Variants in TAS2R1 observed in about 807,000 individuals in gnomAD.
TAS2R1 encodes the protein taste receptor type 2 member 1.
For synonymous variants in TAS2R1, 141 were observed against 134.2 expected, an observed-to-expected ratio of 1.05 and a Z score of -0.35; for missense variants, 370 against 353.4, an observed-to-expected ratio of 1.05 and a Z score of -0.38.
At chr5:9,672,942 C>T (rs1249540930) in intron 1 of TAS2R1, among the ~76,000 whole-genome samples, 3 of 152,176 alleles carry the variant, frequency 2.0e-5, no homozygotes, top group East Asian at 3.9e-4. Flanking sequence ...AGTACATATA[C>T]ACCATGGAAT....
the TAS2R1 span, among the ~76,000 whole-genome samples, chr5:9,763,283 T>C: frequency 2.0e-5 from 3 of 152,054 alleles, no homozygotes; most frequent in Non-Finnish European, 1.5e-5. Flanking sequence ...GGCGGGTGGA[T>C]CACAAGGTCA....
the TAS2R1 span, among the ~76,000 whole-genome samples, chr5:9,768,627 C>T: frequency 3.9e-5 from 6 of 152,170 alleles, no homozygotes; most frequent in Admixed American, 3.9e-4. Context: ...CTTGAACAGT[C>T]ACTACTGCTT....
At chr5:9,825,162 T>A in the TAS2R1 span, among the ~76,000 whole-genome samples, 1 of 152,196 alleles carries the variant, frequency 6.6e-6, no homozygotes, top group Non-Finnish European at 1.5e-5. Context: ...CCTTTCTACT[T>A]ACTAGCTGGT....
the TAS2R1 span, among the ~76,000 whole-genome samples, chr5:9,790,095 T>C: frequency 1.3e-5 from 2 of 152,276 alleles, no homozygotes; most frequent in South Asian, 2.1e-4. Context: ...TCCTCTCACA[T>C]GCAATGCACA....
chr5:9,856,723 T>C, the TAS2R1 span, among the ~76,000 whole-genome samples: 1 of 151,982 alleles, frequency 6.6e-6, no homozygotes, highest in Non-Finnish European at 1.5e-5. Flanking sequence ...TGCACACAAA[T>C]AACCAAGCAC....
chr5:9,874,588 A>G, the TAS2R1 span, among the ~76,000 whole-genome samples: 1 of 152,222 alleles, frequency 6.6e-6, no homozygotes, highest in South Asian at 2.1e-4. Flanking sequence ...GTGGCAAGAC[A>G]TTGCTGCCAC....
At chr5:9,685,999 G>T (rs542581411) in intron 1 of TAS2R1, among the ~76,000 whole-genome samples, 1 of 152,250 alleles carries the variant, frequency 6.6e-6, no homozygotes, top group South Asian at 2.1e-4. Context: ...CCAAGTGGCT[G>T]GGACTACAGG....
chr5:9,872,700 C>T, the TAS2R1 span, among the ~76,000 whole-genome samples: 1 of 152,166 alleles, frequency 6.6e-6, no homozygotes, highest in Admixed American at 6.5e-5. Flanking sequence ...CCTTGGGCTA[C>T]TAACCAAAGA....
chr5:9,874,968 G>A, the TAS2R1 span, among the ~76,000 whole-genome samples: 172 of 152,228 alleles, frequency 1.1e-3, no homozygotes, highest in African/African-American at 3.9e-3. Context: ...CTTATAATAA[G>A]GGTCCTTCTG....
the TAS2R1 span, among the ~76,000 whole-genome samples, chr5:9,757,476 C>T: frequency 6.6e-6 from 1 of 152,268 alleles, no homozygotes; most frequent in Admixed American, 6.5e-5. Context: ...AATAGCACGG[C>T]TCATGAACAC....
chr5:9,820,266 C>T, the TAS2R1 span, among the ~76,000 whole-genome samples: 721 of 152,210 alleles, frequency 4.7e-3, 4 homozygotes, highest in African/African-American at 0.016. Context: ...CCATAGGGGG[C>T]TGAAATTTCT....
Position 9,709,412 on chromosome 5 carries a change from T to C in TAS2R1, c.-242+2760A>G, listed in dbSNP as rs183541085. ...GTCCCTGCCTCAAATCTACCCTCCA[T>C]ACCAATGCTACTCCAGTACTCAGTA... On this transcript the variant is annotated intron_variant, in intron 1 of 2. Transcript: ENST00000506620. Among the ~76,000 whole-genome samples, 15 of 152,234 alleles carry C rather than the reference T, an allele frequency of 9.9e-5. No individual in the cohort carries two copies. In the East Asian group the frequency reaches 2.1e-3, roughly 22 times the overall value.
the TAS2R1 span, among the ~76,000 whole-genome samples, chr5:9,718,282 T>G: frequency 2.0e-5 from 3 of 151,682 alleles, no homozygotes; most frequent in African/African-American, 4.8e-5. Context: ...ATAAGTAAAT[T>G]TTTAAATGAC....
chr5:9,777,967 G>A, the TAS2R1 span, among the ~76,000 whole-genome samples: 2 of 149,658 alleles, frequency 1.3e-5, no homozygotes, highest in African/African-American at 2.5e-5. Flanking sequence ...TGCAAGCTCC[G>A]CTTCCCGGGT....
rs1460638805 is a variant in TAS2R1, at chr5:9,640,510, A to C, written c.-80-10518T>G. On this transcript the variant is annotated intron_variant, in intron 2 of 2. Coordinates refer to the TAS2R1 transcript ENST00000506620. Reference sequence around the variant, plus strand: ...CCTTCAATTCCTTAAAAAAAAAAAAAAAAAAAAAAAAACAGTACCTGTAAA... The same window carrying C: ...CCTTCAATTCCTTAAAAAAAAAAAACAAAAAAAAAAAACAGTACCTGTAAA... 3.3e-5 allele frequency among the ~76,000 whole-genome samples: 5 copies of C among 150,662 alleles called. No homozygotes were observed. In the East Asian group the frequency reaches 7.8e-4, roughly 23 times the overall value.
chr5:9,802,589 C>A, the TAS2R1 span, among the ~76,000 whole-genome samples: 1 of 152,198 alleles, frequency 6.6e-6, no homozygotes, highest in African/African-American at 2.4e-5. Context: ...AGATCCAAAC[C>A]AAGACAAAAT....
the TAS2R1 span, among the ~76,000 whole-genome samples, chr5:9,825,131 C>T: frequency 3.4e-4 from 52 of 152,302 alleles, 2 homozygotes; most frequent in East Asian, 9.8e-3. Context: ...TATAAAATAG[C>T]AATGTCTAAT....
At chr5:9,822,498 T>A in the TAS2R1 span, among the ~76,000 whole-genome samples, 2 of 151,932 alleles carry the variant, frequency 1.3e-5, no homozygotes, top group Non-Finnish European at 2.9e-5. Context: ...TACAGGTGTG[T>A]GCCACCACGC....
the TAS2R1 span, among the ~76,000 whole-genome samples, chr5:9,794,846 G>C: frequency 6.6e-6 from 1 of 152,148 alleles, no homozygotes; most frequent in Non-Finnish European, 1.5e-5. Context: ...TGGAGATACA[G>C]CCTTTCTTGG....
Sources: gnomAD v4.1 joint callset for allele counts (sites outside exome capture counted in the v4.1 genomes callset) on GRCh38, gnomAD v4.1.1 for gene constraint, MANE v1.5 for transcripts, NCBI Gene and HGNC (gene_info 2026-07-23, HGNC 2026-07-21) for gene names.